Variants in NLRP3 observed in about 807,000 individuals in gnomAD.
NLRP3 encodes NACHT, LRR and PYD domains-containing protein 3.
A neutral mutation model predicts 91.3 loss-of-function variants in NLRP3; 48 were observed. The observed-to-expected ratio is 0.53, with a 90% CI of 0.42 to 0.67. The LOEUF is 0.67. Ranked by LOEUF, NLRP3 falls within the 30% of genes least tolerant of loss-of-function variation. The pLI, the probability that NLRP3 is intolerant of heterozygous loss-of-function variation, is 0.00. For missense variants in NLRP3, 982 were observed against 1,276.9 expected (o/e 0.77, Z 3.52); for synonymous variants, 561 against 507.9 (o/e 1.10, Z -1.41).
intron 4 of NLRP3, among the ~76,000 whole-genome samples, chr1:247,428,383 G>A (rs891877613): frequency 3.3e-5 from 5 of 152,258 alleles, no homozygotes; most frequent in African/African-American, 9.6e-5. Flanking sequence ...AGAAGCCTGA[G>A]CATCTATTAG....
intron 5 of NLRP3, among the ~76,000 whole-genome samples, chr1:247,433,247 G>A (rs1663479652): frequency 6.6e-6 from 1 of 152,036 alleles, no homozygotes; most frequent in South Asian, 2.1e-4. Flanking sequence ...AATCAGAGCT[G>A]CTTTTCCTTT....
At chr1:247,429,433 T>C in intron 4 of NLRP3, 152 bp from the exon 5 acceptor site, 1 of 828,898 alleles carries the variant, frequency 1.2e-6, no homozygotes, top group East Asian at 2.5e-5. Flanking sequence ...GCCCTCTTCA[T>C]TTCTCTGGGA....
Position 247,448,479 on chromosome 1 carries a change from C to T in NLRP3, c.3080C>T (p.Thr1027Ile), listed in dbSNP as rs775502273. ...ETLQEEKPELTVVFEPSW is the reference protein window; with the variant it reads ...ETLQEEKPELIVVFEPSW ...CTTCAAGAAGAAAAGCCTGAGCTGACCGTCGTCTTTGAGCCTTCTTGGTAG... is the reference window on the plus strand; with the variant it reads ...CTTCAAGAAGAAAAGCCTGAGCTGATCGTCGTCTTTGAGCCTTCTTGGTAG... The change falls in exon 10 of 10, where the codon ACC (threonine) becomes ATC (isoleucine). Residue 1027 changes from threonine (T) to isoleucine (I), a missense_variant. Thr to Ile is a moderately conservative substitution (Grantham distance 89). This residue lies in a region of NLRP3 where 29 missense variants were observed against 55.3 expected (regional missense o/e 0.52). Transcript: ENST00000336119. 4 of 1,612,966 alleles carry T rather than the reference C, an allele frequency of 2.5e-6. No individual in the cohort carries two copies. In the Admixed American group the frequency reaches 6.7e-5, roughly 27 times the overall value.
Position 247,419,164 on chromosome 1 carries a change from A to ATATATATTTTTTT in NLRP3, c.277+88_277+89insATATATTTTTTTT, listed in dbSNP as rs1491303088. 1.7e-4 allele frequency: 117 copies of ATATATATTTTTTT among 693,364 alleles called. No individual in the cohort carries two copies. The African/African-American group carries it at 3.9e-3, about 23-fold the overall frequency. The allele number at this position is 693,364 out of a possible 1,614,324, so 43.0% of individuals were successfully genotyped here. A position where few individuals can be genotyped will look rare whatever the true frequency, so the allele number is the denominator to read the frequency against. On this transcript the variant is annotated intron_variant, in intron 2 of 9. Transcript: ENST00000336119. ...CATCTTTATATATATATATATATATATTTTTTTTTGAGACGGAGTTGCTCT... is the reference window on the plus strand; with the variant it reads ...CATCTTTATATATATATATATATATATATATATTTTTTTTTTTTTTTTGAGACGGAGTTGCTCT...
chr1:247,427,832 G>C (rs1663012673), intron 4 of NLRP3, among the ~76,000 whole-genome samples: 1 of 36,078 alleles, frequency 2.8e-5, no homozygotes, highest in Non-Finnish European at 5.7e-5. Flanking sequence ...GACAGACTCT[G>C]ATTGGAGCCC....
Position 247,424,460 on chromosome 1 carries a change from G to C in NLRP3, c.1011G>C (p.Lys337Asn), listed in dbSNP as rs766978634. Residue 337 changes from lysine (K) to asparagine (N), a missense_variant, in exon 4 of 10, where the codon AAG (lysine) becomes AAC (asparagine). Coordinates refer to ENST00000336119, the MANE Select transcript of NLRP3 (RefSeq NM_001243133.2). This position sits in a 1 kb window ranked among gnomAD's most constrained non-coding sequence, Gnocchi z 8.1. ...TCCTGAGCAGCCTCATCAGAAAGAA[G>C]CTGCTTCCCGAGGCCTCTCTGCTCA... Reference protein sequence around the residue: ...DILLSSLIRKKLLPEASLLIT... With the variant: ...DILLSSLIRKNLLPEASLLIT... 1 of 1,614,212 alleles carries C rather than the reference G, an allele frequency of 6.2e-7. No individual in the cohort carries two copies.
rs569467858 is a variant in NLRP3 at position 247,442,442 on chromosome 1, GCT to G, written c.2664-1527_2664-1526del. 5.9e-5 allele frequency among the ~76,000 whole-genome samples: 9 copies of G among 152,296 alleles called. No individual in the cohort carries two copies. The East Asian group carries it at 1.5e-3, about 26-fold the overall frequency. ...CCACCAGTGATTTTAGAGCTCTTATGCTCTTCCTGGGTGATAGAATGGGCTTA... is the reference window on the plus strand; with the variant it reads ...CCACCAGTGATTTTAGAGCTCTTATGCTTCCTGGGTGATAGAATGGGCTTA... On this transcript the variant is annotated intron_variant, in intron 7 of 9. Coordinates refer to ENST00000336119, the MANE Select transcript of NLRP3 (RefSeq NM_001243133.2).
At chr1:247,422,559 G>A (rs1185902830) in intron 2 of NLRP3, among the ~76,000 whole-genome samples, 3 of 152,058 alleles carry the variant, frequency 2.0e-5, no homozygotes, top group African/African-American at 7.2e-5. Context: ...CAACACAGAT[G>A]CATGTTGGAA....
chr1:247,444,436 C>A (rs1664460497), intron 8 of NLRP3, among the ~76,000 whole-genome samples: 1 of 151,834 alleles, frequency 6.6e-6, no homozygotes, highest in Non-Finnish European at 1.5e-5. Flanking sequence ...AATGAACAAA[C>A]CACTGTTACT....
In NLRP3 at chr1:247,436,023, T is replaced by G. The variant is rs756156231; in HGVS notation, c.2546T>G (p.Leu849Trp). 1 of 1,614,152 alleles carries G rather than the reference T, an allele frequency of 6.2e-7. No homozygotes were observed. Among genetic ancestry groups the G allele is most frequent in the South Asian group, 1.1e-5 (1 of 91,078 alleles). The change falls in exon 7 of 10, where the codon TTG becomes TGG. Residue 849 changes from leucine to tryptophan, a missense_variant. Leu to Trp is a moderately conservative substitution (Grantham distance 61). This residue lies in a region of NLRP3 where 373 missense variants were observed against 431.5 expected (regional missense o/e 0.86). Coordinates refer to ENST00000336119, the MANE Select transcript of NLRP3 (RefSeq NM_001243133.2). ...SACCQDLASVLSTSHSLTRLY... is the reference protein window; with the variant it reads ...SACCQDLASVWSTSHSLTRLY... ...TGTTGTCAGGATCTTGCATCAGTAT[T>G]GAGCACCAGCCATTCCCTGACCAGA...
chr1:247,436,496 C>T (rs182310086), intron 7 of NLRP3, among the ~76,000 whole-genome samples: 1 of 152,258 alleles, frequency 6.6e-6, no homozygotes, highest in Non-Finnish European at 1.5e-5. Context: ...ATAGTGCATG[C>T]AGCCTCTACA....
At chr1:247,438,673 A>G (rs1329540557) in intron 7 of NLRP3, among the ~76,000 whole-genome samples, 4 of 152,068 alleles carry the variant, frequency 2.6e-5, no homozygotes, top group African/African-American at 7.2e-5. Flanking sequence ...CGTGAGCCAC[A>G]CACCCGCCTG....
At chr1:247,435,530 C>G (rs1663724234) in intron 6 of NLRP3, among the ~76,000 whole-genome samples, 1 of 152,052 alleles carries the variant, frequency 6.6e-6, no homozygotes, top group Non-Finnish European at 1.5e-5. Context: ...TTCATAGAGA[C>G]AGGAAGAAAC....
In NLRP3 at chr1:247,418,971, C is replaced by G. The variant is rs773673175; in HGVS notation, c.171C>G (p.Ile57Met). 8.7e-6 allele frequency: 14 copies of G among 1,613,942 alleles called. No homozygotes were observed. The highest frequency in any genetic ancestry group is 1.0e-5 in the Non-Finnish European group (12 of 1,180,044). The change falls in exon 2 of 10, where the codon ATC becomes ATG. Residue 57 changes from isoleucine to methionine, a missense_variant. This residue lies in a region of NLRP3 where 548 missense variants were observed against 713.7 expected (regional missense o/e 0.77). Coordinates refer to ENST00000336119, the MANE Select transcript of NLRP3 (RefSeq NM_001243133.2). ...ADHVDLATLMIDFNGEEKAWA... is the reference protein window; with the variant it reads ...ADHVDLATLMMDFNGEEKAWA... ...ATGTGGATCTAGCCACGCTAATGAT[C>G]GACTTCAATGGGGAGGAGAAGGCGT...
chr1:247,427,563 C>T (rs1639195977), intron 4 of NLRP3, among the ~76,000 whole-genome samples: 1 of 152,196 alleles, frequency 6.6e-6, no homozygotes, highest in Non-Finnish European at 1.5e-5. Context: ...GTAGGGGGCT[C>T]AGCACCCATC....
At position 247,425,793 on chromosome 1, in the gene NLRP3, G is replaced by GA. The variant is rs369266215; in HGVS notation, c.2150+204dup. On this transcript the variant is annotated intron_variant, in intron 4 of 9. Transcript: ENST00000336119. This position sits in a 1 kb window ranked among gnomAD's most constrained non-coding sequence, Gnocchi z 4.1. ...ATGGTAGGTGGATAAATGGGATGAG[G>GA]AAAAAAAAAATAAAACAAGGAACAA... is the stretch of plus-strand genomic sequence containing the variant. 28,581 of 525,144 alleles carry GA rather than the reference G, an allele frequency of 0.054. 345 individuals carry two copies. The highest frequency in any genetic ancestry group is 0.072 in the East Asian group (2,246 of 31,104). The allele number at this position is 525,144 out of a possible 1,614,324, so 32.5% of individuals were successfully genotyped here.
At chr1:247,437,500 C>T (rs1184999383) in intron 7 of NLRP3, among the ~76,000 whole-genome samples, 1 of 152,178 alleles carries the variant, frequency 6.6e-6, no homozygotes, top group Admixed American at 6.5e-5. Context: ...GCCTTCATTT[C>T]CTCGCCTTAG....
chr1:247,441,235 C>CTTCCT (rs1553292371), intron 7 of NLRP3, among the ~76,000 whole-genome samples: 3 of 115,564 alleles, frequency 2.6e-5, no homozygotes, highest in African/African-American at 9.8e-5. Flanking sequence ...CCTTATTTTC[C>CTTCCT]TTTCTTTTCT....
intron 2 of NLRP3, among the ~76,000 whole-genome samples, 198 bp downstream of exon 2, chr1:247,419,275 C>A (rs905120514): frequency 6.6e-6 from 1 of 151,980 alleles, no homozygotes; most frequent in Non-Finnish European, 1.5e-5. Context: ...CTGCCTCAGC[C>A]TCCCAAGTAG....
Sources: allele counts gnomAD v4.1 joint callset (sites outside exome capture counted in the v4.1 genomes callset), GRCh38; gene constraint gnomAD v4.1.1; regional missense constraint gnomAD v4.1.1; non-coding constraint Gnocchi (gnomAD v3.1); transcripts MANE v1.5; gene names NCBI Gene and HGNC (gene_info 2026-07-23, HGNC 2026-07-21).